Variants in HOOK3 observed in about 807,000 individuals in gnomAD.
HOOK3 encodes the protein protein Hook homolog 3.
HOOK3 carries 24 observed loss-of-function variants against 116.3 expected under a neutral mutation model. The observed-to-expected ratio is 0.21, with a 90% confidence interval of 0.15 to 0.29. The LOEUF is 0.29. Among genes scored for constraint, HOOK3 ranks in the 10% least tolerant of loss-of-function variants. The pLI is 1.00. For missense variants in HOOK3, 632 were observed against 830.2 expected (o/e 0.76, Z 2.93); for synonymous variants, 275 against 283.0 (o/e 0.97, Z 0.28).
chr8:43,011,275 G>A (rs978738390), intron 19 of HOOK3, among the ~76,000 whole-genome samples: 1 of 152,164 alleles, frequency 6.6e-6, no homozygotes, highest in Non-Finnish European at 1.5e-5. Context: ...TTACAGGTGT[G>A]AGCCACCGTG....
chr8:42,904,889 T>C (rs1807272539), intron 1 of HOOK3, among the ~76,000 whole-genome samples: 1 of 152,186 alleles, frequency 6.6e-6, no homozygotes, highest in Admixed American at 6.5e-5. Context: ...ACTTCTATTA[T>C]ACTGTTTCAT....
intron 5 of HOOK3, among the ~76,000 whole-genome samples, chr8:42,949,233 T>C (rs184530724): frequency 6.6e-6 from 1 of 152,340 alleles, no homozygotes; most frequent in African/African-American, 2.4e-5. Flanking sequence ...TACTTTACTC[T>C]TTTACGTGTT....
At chr8:42,975,300 C>T (rs1203891052) in intron 13 of HOOK3, among the ~76,000 whole-genome samples, 1 of 152,218 alleles carries the variant, frequency 6.6e-6, no homozygotes, top group Non-Finnish European at 1.5e-5. Flanking sequence ...TTCCGTACTT[C>T]ATTTCTCAGT....
chr8:42,946,190 T>C (rs886999504), intron 5 of HOOK3, among the ~76,000 whole-genome samples: 6 of 152,024 alleles, frequency 3.9e-5, no homozygotes, highest in African/African-American at 1.5e-4. Flanking sequence ...GGAACTTGAG[T>C]GGAAGGACAT....
Position 43,020,063 on chromosome 8 carries a change from TTC to T in HOOK3, c.*1567_*1568del, listed in dbSNP as rs1260197212. 7.6e-5 allele frequency: 15 copies of T among 197,554 alleles called. No individual in the cohort carries two copies. The highest frequency in any genetic ancestry group is 3.5e-4 in the African/African-American group (15 of 43,376). 12.2% of individuals were successfully genotyped at this position (197,554 alleles called of 1,614,324 possible). A position where few individuals can be genotyped will look rare whatever the true frequency, so the allele number is the denominator to read the frequency against. On this transcript the variant is annotated 3_prime_UTR_variant, in exon 22 of 22. Coordinates refer to ENST00000307602, the MANE Select transcript of HOOK3 (RefSeq NM_032410.4). ...TTCAAGTGTTTGATTTTTAAATTCT[TTC>T]TTTCTTTTTAATAAGAAAGATGACC... is the stretch of plus-strand genomic sequence containing the variant.
chr8:42,997,877 T>A, intron 16 of HOOK3: 1 of 397,932 alleles, frequency 2.5e-6, no homozygotes, highest in Non-Finnish European at 4.7e-6. Context: ...ACTGAAGAAT[T>A]AATTGAGGCT....
chr8:43,003,301 G>A (rs543994144), intron 17 of HOOK3, among the ~76,000 whole-genome samples: 2 of 152,264 alleles, frequency 1.3e-5, no homozygotes, highest in Admixed American at 1.3e-4. Context: ...AAATGTGGGA[G>A]ACACAAGATA....
chr8:43,013,140 G>C lies in HOOK3; in HGVS notation c.1929G>C (p.Leu643=). ...LKNQLQERDR[L]FHSLEKEYEK... ...ATCAGCTCCAGGAACGAGACCGACT[G>C]TTCCACTCATTAGAGGTAGTTTACT... The change falls in exon 20 of 22, where the codon CTG becomes CTC. Residue 643 remains leucine (L), a synonymous_variant. Transcript: ENST00000307602. The C allele has an allele frequency of 6.2e-7, 1 of 1,607,284 alleles. No homozygotes were observed. Among genetic ancestry groups the C allele is most frequent in the South Asian group, 1.1e-5 (1 of 90,708 alleles).
At chr8:42,980,366 G>T (rs566269552) in intron 13 of HOOK3, among the ~76,000 whole-genome samples, 2 of 152,172 alleles carry the variant, frequency 1.3e-5, no homozygotes, top group East Asian at 3.9e-4. Flanking sequence ...TATCACATTT[G>T]TTTCTTTGCA....
At chr8:42,929,772 TG>T (rs529347465) in intron 3 of HOOK3, among the ~76,000 whole-genome samples, 3 of 152,176 alleles carry the variant, frequency 2.0e-5, no homozygotes, top group Non-Finnish European at 4.4e-5. Context: ...AGAATAGCTC[TG>T]AACTCAAGTC....
chr8:42,984,341 C>A (rs1809008771), intron 14 of HOOK3, among the ~76,000 whole-genome samples: 1 of 149,572 alleles, frequency 6.7e-6, no homozygotes, highest in Admixed American at 6.7e-5. Context: ...GCACTCCAGT[C>A]TGGGCAACAA....
In HOOK3 at chr8:43,025,234, C is replaced by A; in HGVS notation, c.*6736C>A. 4.9e-6 allele frequency: 1 copy of A among 206,102 alleles called. No individual in the cohort carries two copies. The highest frequency in any genetic ancestry group is 9.9e-6 in the Non-Finnish European group (1 of 100,796). 12.8% of individuals were successfully genotyped at this position (206,102 alleles called of 1,614,324 possible). On this transcript the variant is annotated 3_prime_UTR_variant, in exon 22 of 22. Coordinates refer to ENST00000307602, the MANE Select transcript of HOOK3 (RefSeq NM_032410.4). ...GATCAGGAATTACTTGATGTCTCTT[C>A]AGAAGTTTTCTGTTTTCTTATAATT... is the stretch of plus-strand genomic sequence containing the variant.
intron 5 of HOOK3, among the ~76,000 whole-genome samples, chr8:42,947,152 A>G (rs1478374468): frequency 6.6e-6 from 1 of 152,122 alleles, no homozygotes; most frequent in Non-Finnish European, 1.5e-5. Context: ...GTTGTGATCT[A>G]TGTATATTCC....
intron 4 of HOOK3, among the ~76,000 whole-genome samples, chr8:42,931,328 CTGTTTAT>C (rs1807868147): frequency 1.3e-5 from 2 of 151,982 alleles, no homozygotes; most frequent in Non-Finnish European, 2.9e-5. Context: ...TCACATCACC[CTGTTTAT>C]TGTTTATTCC....
chr8:43,000,196 G>A (rs936157935), intron 16 of HOOK3: 19 of 925,272 alleles, frequency 2.1e-5, no homozygotes, highest in South Asian at 6.9e-5. Flanking sequence ...TTACTAAATC[G>A]TTGCTTCTCT....
Position 43,011,284 on chromosome 8 carries a change from T to C in HOOK3, c.1839+879T>C, listed in dbSNP as rs1033525206. On this transcript the variant is annotated intron_variant, in intron 19 of 21. Transcript: ENST00000307602. ...CTGGGATTACAGGTGTGAGCCACCG[T>C]GCCTGGCCAAGGGGGTCAGTTTTCT... Among the ~76,000 whole-genome samples, 27 of 152,128 alleles carry C rather than the reference T, an allele frequency of 1.8e-4. 1 individual carries two copies. Among genetic ancestry groups the C allele is most frequent in the East Asian group, 5.8e-4 (3 of 5,188 alleles).
chr8:42,998,424 A>G (rs1030447202), intron 16 of HOOK3, among the ~76,000 whole-genome samples: 5 of 152,180 alleles, frequency 3.3e-5, no homozygotes, highest in African/African-American at 1.2e-4. Context: ...CCTGTTACCA[A>G]TGTAATTTGC....
chr8:42,938,851 G>A (rs1406996116), intron 4 of HOOK3, among the ~76,000 whole-genome samples: 1 of 152,130 alleles, frequency 6.6e-6, no homozygotes, highest in Non-Finnish European at 1.5e-5. Flanking sequence ...TTCCTAGGCA[G>A]AGGACCCTGC....
chr8:42,897,221 C>T (rs1371642875), intron 1 of HOOK3, 33 bp downstream of exon 1: 8 of 1,223,780 alleles, frequency 6.5e-6, no homozygotes. Flanking sequence ...CGGGAAGACC[C>T]CCTCCCCCCG....
Sources: allele counts gnomAD v4.1 joint callset (sites outside exome capture counted in the v4.1 genomes callset), GRCh38; gene constraint gnomAD v4.1.1; transcripts MANE v1.5; gene names NCBI Gene and HGNC (gene_info 2026-07-23, HGNC 2026-07-21).